Variants in MAGI1 observed in about 807,000 individuals in gnomAD.
MAGI1 encodes membrane-associated guanylate kinase, WW and PDZ domain-containing protein 1.
MAGI1 carries 58 observed loss-of-function variants against 139.9 expected under a neutral mutation model. The ratio of observed to expected loss-of-function variants is 0.41; its 90% confidence interval spans 0.34 to 0.52. MAGI1 has a LOEUF of 0.52. Ranked by LOEUF, MAGI1 falls within the 20% of genes least tolerant of loss-of-function variation. The probability of loss-of-function intolerance (pLI) is 0.12; values close to 1 mark genes in which losing one functional copy is unlikely to be tolerated. For synonymous variants in MAGI1, 812 were observed against 737.9 expected (o/e 1.10, Z -1.63); for missense variants, 1,874 against 1,901.6 (o/e 0.99, Z 0.27).
At chr3:65,410,644 T>G (rs1272422498) in intron 12 of MAGI1, among the ~76,000 whole-genome samples, 1 of 152,184 alleles carries the variant, frequency 6.6e-6, no homozygotes, top group Non-Finnish European at 1.5e-5. Context: ...GGCTCATAAC[T>G]GCGACATGCA....
chr3:65,761,511 G>A (rs1055644589), intron 1 of MAGI1, among the ~76,000 whole-genome samples: 3 of 152,104 alleles, frequency 2.0e-5, no homozygotes, highest in Non-Finnish European at 2.9e-5. Flanking sequence ...GTAATTACAT[G>A]AGGTTTCATT....
intron 1 of MAGI1, among the ~76,000 whole-genome samples, chr3:65,914,635 G>GC (rs2108689593): frequency 6.6e-6 from 1 of 152,294 alleles, no homozygotes; most frequent in Admixed American, 6.5e-5. Context: ...CTCTGGGAAG[G>GC]CCACCATCCT....
chr3:65,778,909 G>C (rs2038704587), intron 1 of MAGI1, among the ~76,000 whole-genome samples: 1 of 152,178 alleles, frequency 6.6e-6, no homozygotes, highest in African/African-American at 2.4e-5. Flanking sequence ...GGGATGTCCA[G>C]AGACATTAAT....
intron 1 of MAGI1, among the ~76,000 whole-genome samples, chr3:65,866,204 G>T (rs907343890): frequency 7.7e-4 from 111 of 144,120 alleles, no homozygotes; most frequent in African/African-American, 2.9e-3. Flanking sequence ...GGTATTTGCT[G>T]TTTTCAATTT....
At chr3:65,923,312 A>G (rs1576072124) in intron 1 of MAGI1, among the ~76,000 whole-genome samples, 1 of 135,166 alleles carries the variant, frequency 7.4e-6, no homozygotes, top group Non-Finnish European at 1.6e-5. Flanking sequence ...TGCAACCTCC[A>G]CCTCCCAAGT....
intron 8 of MAGI1, among the ~76,000 whole-genome samples, chr3:65,440,305 T>C (rs368625514): frequency 1.3e-5 from 2 of 152,206 alleles, no homozygotes; most frequent in East Asian, 3.9e-4. Context: ...ATAAGGAAAG[T>C]AAGTGTCTGG....
At chr3:65,646,433 C>A (rs959817951) in intron 1 of MAGI1, among the ~76,000 whole-genome samples, 19 of 151,982 alleles carry the variant, frequency 1.3e-4, no homozygotes, top group Non-Finnish European at 1.0e-4. Flanking sequence ...GAGAAAGGAA[C>A]AAATCAACAA....
chr3:65,516,013 T>G (rs1576140512), intron 2 of MAGI1, among the ~76,000 whole-genome samples: 2 of 152,274 alleles, frequency 1.3e-5, no homozygotes, highest in South Asian at 4.1e-4. Context: ...AACAATTTCT[T>G]GCCCTAGTTT....
chr3:65,416,585 TTGAATGAA>T (rs147523328), intron 12 of MAGI1, among the ~76,000 whole-genome samples: 4 of 152,118 alleles, frequency 2.6e-5, no homozygotes, highest in Admixed American at 2.0e-4. Flanking sequence ...CTAAAGTTTG[TTGAATGAA>T]TGAATGAATG....
At chr3:65,519,752 G>A in intron 2 of MAGI1, among the ~76,000 whole-genome samples, 1 of 152,172 alleles carries the variant, frequency 6.6e-6, no homozygotes. Context: ...GGACTAGAGT[G>A]GAAAGAGGAA....
intron 2 of MAGI1, among the ~76,000 whole-genome samples, chr3:65,508,188 G>A (rs1478716448): frequency 5.9e-5 from 9 of 151,638 alleles, no homozygotes; most frequent in African/African-American, 1.9e-4. Context: ...CAGATCACAA[G>A]GTCAGGAGAT....
intron 1 of MAGI1, among the ~76,000 whole-genome samples, chr3:65,913,588 G>T (rs914821673): frequency 1.3e-5 from 2 of 152,172 alleles, no homozygotes; most frequent in African/African-American, 4.8e-5. Flanking sequence ...GGGAAATGCT[G>T]CATTGGGCAA....
At chr3:65,489,333 A>T (rs1305542391) in intron 3 of MAGI1, among the ~76,000 whole-genome samples, 1 of 152,254 alleles carries the variant, frequency 6.6e-6, no homozygotes, top group African/African-American at 2.4e-5. Context: ...TCACAAAAAA[A>T]GTCTGACCTG....
chr3:65,574,212 T>C (rs936215684), intron 2 of MAGI1, among the ~76,000 whole-genome samples: 4 of 150,538 alleles, frequency 2.7e-5, no homozygotes, highest in Non-Finnish European at 5.9e-5. Context: ...GGTTCCGGGA[T>C]ACATGTGCAG....
At chr3:65,454,625 CT>C (rs1232819525) in intron 5 of MAGI1, among the ~76,000 whole-genome samples, 2 of 149,384 alleles carry the variant, frequency 1.3e-5, no homozygotes, top group East Asian at 1.9e-4. Context: ...TAACTTAAAA[CT>C]TTTTTTGAAC....
At chr3:65,603,429 A>C (rs1005647076) in intron 2 of MAGI1, among the ~76,000 whole-genome samples, 2 of 152,188 alleles carry the variant, frequency 1.3e-5, no homozygotes, top group Non-Finnish European at 2.9e-5. Flanking sequence ...TTTATATGAC[A>C]ATCTACATAA....
chr3:65,992,614 A>G lies in MAGI1; in HGVS notation c.313+45382T>C, dbSNP rs558783616. Among the ~76,000 whole-genome samples the G allele has an allele frequency of 3.9e-5, 6 of 152,276 alleles. No individual in the cohort carries two copies. The South Asian group carries it at 1.2e-3, about 32-fold the overall frequency. ...TAAAATGCAGATTATCATCTAATAC[A>G]TCTGGGAGGGCAACCAAAATTCTGT... On this transcript the variant is annotated intron_variant, in intron 1 of 22. Transcript: ENST00000402939.
chr3:65,627,485 CTTTTTTTTTTTTTTTTTTTTTTTTTT>C (rs779588733), intron 1 of MAGI1, among the ~76,000 whole-genome samples: 5 of 28,354 alleles, frequency 1.8e-4, no homozygotes, highest in Admixed American at 1.7e-3. Flanking sequence ...ATTTCTGTAT[CTTTTTTTTTTTTTTTTTTTTTTTTTT>C]TTTTTTTTTT....
chr3:65,600,228 G>A (rs950821082), intron 2 of MAGI1, among the ~76,000 whole-genome samples: 8 of 152,116 alleles, frequency 5.3e-5, no homozygotes, highest in Non-Finnish European at 8.8e-5. Context: ...TCCCTGAAGG[G>A]AACAAAAATA....
Sources: allele counts gnomAD v4.1 joint callset (sites outside exome capture counted in the v4.1 genomes callset), GRCh38; gene constraint gnomAD v4.1.1; transcripts MANE v1.5; gene names NCBI Gene and HGNC (gene_info 2026-07-23, HGNC 2026-07-21).